ZBTB40: variants seen among roughly 807,000 people sequenced by gnomAD.
The protein encoded by ZBTB40 is zinc finger and BTB domain-containing protein 40.
In ZBTB40, 60 loss-of-function variants were observed where a neutral mutation model predicts 117.5. The ratio of observed to expected loss-of-function variants is 0.51; its 90% CI spans 0.41 to 0.63. The LOEUF is 0.63. Among genes scored for constraint, ZBTB40 ranks in the 30% least tolerant of loss-of-function variants. The probability of loss-of-function intolerance (pLI) is 0.00; values close to 1 mark genes in which losing one functional copy is unlikely to be tolerated. For missense variants in ZBTB40, 1,287 were observed against 1,498.5 expected, an observed-to-expected ratio of 0.86 and a Z score of 2.33; for synonymous variants, 525 against 577.1, an observed-to-expected ratio of 0.91 and a Z score of 1.29.
At chr1:22,523,242 C>T (rs952345553) in intron 16 of ZBTB40, among the ~76,000 whole-genome samples, 27 of 152,146 alleles carry the variant, frequency 1.8e-4, no homozygotes, top group African/African-American at 5.5e-4. Context: ...TGAGCCACTG[C>T]GCCCAGCCAA....
rs773859442 is a variant in ZBTB40, at chr1:22,506,054, T to G, written c.1173T>G (p.Ile391Met). The G allele has an allele frequency of 1.2e-6, 2 of 1,614,022 alleles. No individual in the cohort carries two copies. Among genetic ancestry groups the G allele is most frequent in the Non-Finnish European group, 1.7e-6 (2 of 1,180,018 alleles). ...TTGATTGCTTGCCACTGCAGGTGAT[T>G]CTGAATTGCTGTGAGGGCAGAACAC... ...EFLTGTEKRV[I>M]LNCCEGRTPK... is the part of the protein sequence containing the mutation. The change falls in exon 6 of 18, where the codon ATT becomes ATG. Residue 391 changes from isoleucine to methionine, a missense_variant. By Grantham distance (10) the Ile-to-Met change is conservative (BLOSUM62 1). Around this residue, in one of 2 missense-constraint regions of ZBTB40, gnomAD observed 870 missense variants for 934.4 expected, o/e 0.93. Transcript: ENST00000375647.
intron 1 of ZBTB40, among the ~76,000 whole-genome samples, chr1:22,461,535 A>G (rs899524112): frequency 3.9e-5 from 6 of 152,158 alleles, no homozygotes; most frequent in Non-Finnish European, 7.3e-5. Context: ...AGGGAAATAG[A>G]GAGATGAAAA....
At chr1:22,503,021 TG>T (rs1254962005) in intron 5 of ZBTB40, among the ~76,000 whole-genome samples, 3 of 152,132 alleles carry the variant, frequency 2.0e-5, no homozygotes, top group African/African-American at 7.2e-5. Context: ...ATAGAACATA[TG>T]GTTTTCTAAC....
At chr1:22,430,405 A>G (rs1021819282) in intron 1 of ZBTB40, among the ~76,000 whole-genome samples, 3 of 152,166 alleles carry the variant, frequency 2.0e-5, no homozygotes, top group Admixed American at 6.5e-5. Context: ...CCTAGGTAAC[A>G]TAGCAAGACC....
At chr1:22,507,581 A>G (rs1215105495) in intron 6 of ZBTB40, among the ~76,000 whole-genome samples, 1 of 152,228 alleles carries the variant, frequency 6.6e-6, no homozygotes, top group Non-Finnish European at 1.5e-5. Flanking sequence ...CCCAAAGGGC[A>G]CCTAAATAGA....
intron 1 of ZBTB40, among the ~76,000 whole-genome samples, chr1:22,486,977 C>T (rs1390287000): frequency 6.6e-5 from 10 of 152,030 alleles, no homozygotes; most frequent in African/African-American, 1.7e-4. Context: ...TCAAGTGATC[C>T]GCCCGCCTCA....
rs989274394 is a variant in ZBTB40 at position 22,512,204 on chromosome 1, C to A, written c.2461+70C>A. 8 of 1,554,496 alleles carry A rather than the reference C, an allele frequency of 5.1e-6. No homozygotes were observed. In the African/African-American group the frequency reaches 1.1e-4, roughly 21 times the overall value. On this transcript the variant is annotated intron_variant, in intron 11 of 17. Coordinates refer to ENST00000375647, the MANE Select transcript of ZBTB40 (RefSeq NM_014870.4). ...TTTATAGCTTGGATTTCAGGCCTTTCCCTTAGTTGTGTGCAGTGAGGGCTG... is the reference window on the plus strand; with the variant it reads ...TTTATAGCTTGGATTTCAGGCCTTTACCTTAGTTGTGTGCAGTGAGGGCTG...
At chr1:22,461,646 C>G (rs1401419184) in intron 1 of ZBTB40, among the ~76,000 whole-genome samples, 2 of 152,092 alleles carry the variant, frequency 1.3e-5, no homozygotes, top group Non-Finnish European at 2.9e-5. Flanking sequence ...GTACTGAAGG[C>G]TGAGTGATCT....
At chr1:22,485,802 T>G (rs1436067204) in intron 1 of ZBTB40, among the ~76,000 whole-genome samples, 1 of 152,228 alleles carries the variant, frequency 6.6e-6, no homozygotes, top group Non-Finnish European at 1.5e-5. Flanking sequence ...TAGGAGATTC[T>G]TTCCTCAGTC....
In ZBTB40 at chr1:22,465,980, G is replaced by A. The variant is rs574060831; in HGVS notation, c.-70+13976G>A. ...CATCACCACTTTCCAATTCCAGAAC[G>A]TGTTTTATCACTCTGAAACCCCCCC... is the stretch of plus-strand genomic sequence containing the variant. On this transcript the variant is annotated intron_variant, in intron 1 of 17. Transcript: ENST00000375647. Among the ~76,000 whole-genome samples the A allele has an allele frequency of 3.3e-5, 5 of 152,236 alleles. No individual in the cohort carries two copies. In the East Asian group the frequency reaches 5.8e-4, roughly 18 times the overall value.
upstream of ZBTB40, among the ~76,000 whole-genome samples, chr1:22,449,276 T>G (rs1247182490): frequency 6.6e-6 from 1 of 152,130 alleles, no homozygotes; most frequent in Non-Finnish European, 1.5e-5. Context: ...AGAAAAAAAG[T>G]TGAAAAGTTC....
chr1:22,498,854 A>C (rs1004343568), intron 3 of ZBTB40, among the ~76,000 whole-genome samples: 3 of 152,204 alleles, frequency 2.0e-5, no homozygotes, highest in African/African-American at 7.2e-5. Context: ...GAGATGCACA[A>C]AAGGCAGGCA....
In ZBTB40 at chr1:22,490,223, A is replaced by G; in HGVS notation, c.275A>G (p.Lys92Arg). The change falls in exon 2 of 18, where the codon AAA becomes AGA. Residue 92 changes from lysine (K) to arginine (R), a missense_variant. Lys to Arg is a conservative substitution (Grantham distance 26). Transcript: ENST00000375647. ...CCTGTGGGCAAGCACAACTTCTCCA[A>G]AATCATCTCCTTAGCAGACAGTCTA... ...KLPVGKHNFS[K>R]IISLADSLQM... 1 of 1,614,184 alleles carries G rather than the reference A, an allele frequency of 6.2e-7. No individual in the cohort carries two copies. The highest frequency in any genetic ancestry group is 8.5e-7 in the Non-Finnish European group (1 of 1,180,026).
intron 5 of ZBTB40, among the ~76,000 whole-genome samples, chr1:22,503,418 A>T (rs936020703): frequency 1.3e-5 from 2 of 151,684 alleles, no homozygotes; most frequent in Admixed American, 6.6e-5. Flanking sequence ...AAATACTTTT[A>T]TATCTGGAAG....
rs1407218397 is a variant in ZBTB40 at position 22,509,085 on chromosome 1, C to A, written c.1700-15C>A. 1.2e-6 allele frequency: 2 copies of A among 1,613,876 alleles called. No individual in the cohort carries two copies. The highest frequency in any genetic ancestry group is 4.5e-5 in the East Asian group (2 of 44,850). On this transcript the variant is annotated splice_polypyrimidine_tract_variant and intron_variant, in intron 8 of 17. Coordinates refer to ENST00000375647, the MANE Select transcript of ZBTB40 (RefSeq NM_014870.4). ...ATTGTTTGCCTAATGAGTTTTTGAT[C>A]CCCCTTTTTTTCAGTGACCACCCCA...
intron 3 of ZBTB40, among the ~76,000 whole-genome samples, chr1:22,496,199 C>A (rs1229776901): frequency 1.3e-5 from 2 of 152,208 alleles, no homozygotes; most frequent in Non-Finnish European, 2.9e-5. Flanking sequence ...TGTCCATTAA[C>A]AGCACTCAGC....
intron 3 of ZBTB40, among the ~76,000 whole-genome samples, chr1:22,498,079 A>G (rs1192345177): frequency 6.6e-6 from 1 of 152,160 alleles, no homozygotes; most frequent in East Asian, 1.9e-4. Flanking sequence ...ATGGTTTTTC[A>G]CTTATAGAGG....
In ZBTB40 at chr1:22,517,301, G is replaced by A; in HGVS notation, c.2670G>A (p.Gly890=). The change falls in exon 13 of 18, where the codon GGG becomes GGA. Residue 890 remains glycine, a splice_region_variant and synonymous_variant. Transcript: ENST00000375647. ...AYHTKKKHSE[G]KMYACQYCDA... is the part of the protein sequence containing the mutation. The stretch of plus-strand genomic sequence containing the variant: ...TAATAAGCTCCTGTGTATTTGCAGG[G>A]AAAATGTATGCATGCCAGTACTGTG... 6.2e-7 allele frequency: 1 copy of A among 1,614,028 alleles called. No homozygotes were observed. The highest frequency in any genetic ancestry group is 1.1e-5 in the South Asian group (1 of 91,082).
intron 17 of ZBTB40, 130 bp from the exon 18 acceptor site, chr1:22,526,072 A>T: frequency 9.6e-7 from 1 of 1,044,778 alleles, no homozygotes; most frequent in Non-Finnish European, 1.5e-6. Context: ...TCTTCCCATT[A>T]GGCACATGTA....
Sources: allele counts gnomAD v4.1 joint callset (sites outside exome capture counted in the v4.1 genomes callset), GRCh38; gene constraint gnomAD v4.1.1; regional missense constraint gnomAD v4.1.1; transcripts MANE v1.5; gene names NCBI Gene and HGNC (gene_info 2026-07-23, HGNC 2026-07-21).